Variants in ADARB1 observed in about 807,000 individuals in gnomAD.
ADARB1 encodes adenosine deaminase RNA specific B1.
In ADARB1, 10 loss-of-function variants were observed where a neutral mutation model predicts 52.4. That is an observed-to-expected ratio of 0.19 (90% CI 0.12 to 0.32). ADARB1 has a LOEUF of 0.32. ADARB1 is among the 10% of genes least tolerant of loss of function. ADARB1 has a pLI of 1.00. For missense variants in ADARB1, 643 were observed against 922.3 expected (o/e 0.70, Z 3.92); for synonymous variants, 349 against 371.1 (o/e 0.94, Z 0.68).
At chr21:45,113,220 C>T (rs935716657) in intron 1 of ADARB1, among the ~76,000 whole-genome samples, 5 of 151,894 alleles carry the variant, frequency 3.3e-5, no homozygotes, top group Non-Finnish European at 5.9e-5. Context: ...GTCAGGAGTT[C>T]GAGACCAGCC....
chr21:45,161,160 G>C (rs77766466), intron 2 of ADARB1, among the ~76,000 whole-genome samples: 6,647 of 152,258 alleles, frequency 0.044, 251 homozygotes, highest in East Asian at 0.15. Flanking sequence ...CAGCTGCAGC[G>C]GGGGAGGCTA....
chr21:45,080,703 C>T (rs1282511784), intron 1 of ADARB1, among the ~76,000 whole-genome samples: 1 of 152,054 alleles, frequency 6.6e-6, no homozygotes, highest in African/African-American at 2.4e-5. Context: ...GTATTGTTAC[C>T]TGGAGGTTGG....
chr21:45,121,335 C>A (rs895418850), intron 1 of ADARB1, among the ~76,000 whole-genome samples: 1 of 152,168 alleles, frequency 6.6e-6, no homozygotes, highest in African/African-American at 2.4e-5. Context: ...TGTGTGAAAA[C>A]ATCTTTATTC....
chr21:45,186,567 A>G lies in ADARB1; in HGVS notation c.1565+1476A>G, dbSNP rs576929766. On this transcript the variant is annotated intron_variant, in intron 8 of 10. Transcript: ENST00000348831. ...AGCTTCTCCCACATTCTGTAAACTG[A>G]TATCTTCATAGTTTCAATTTTTATT... Among the ~76,000 whole-genome samples the G allele has an allele frequency of 7.3e-4, 111 of 152,346 alleles. No homozygotes were observed. The Middle Eastern group carries it at 0.014, about 19-fold the overall frequency.
At chr21:45,135,803 C>G (rs540693013) in intron 2 of ADARB1, among the ~76,000 whole-genome samples, 1 of 152,184 alleles carries the variant, frequency 6.6e-6, no homozygotes, top group African/African-American at 2.4e-5. Flanking sequence ...GTCAAGAGGG[C>G]CCTCTGTGGG....
intron 1 of ADARB1, among the ~76,000 whole-genome samples, chr21:45,088,945 C>G (rs1303100642): frequency 2.0e-5 from 3 of 152,170 alleles, no homozygotes; most frequent in Non-Finnish European, 2.9e-5. Context: ...AAATACCTCA[C>G]CTCATCAGTG....
chr21:45,225,812 G>A lies in ADARB1; in HGVS notation c.*3615G>A, dbSNP rs577825663. 39 of 378,024 alleles carry A rather than the reference G, an allele frequency of 1.0e-4. No homozygotes were observed. Among genetic ancestry groups the A allele is most frequent in the Middle Eastern group, 1.3e-3 (2 of 1,516 alleles). The allele number at this position is 378,024 out of a possible 1,614,324, so 23.4% of individuals were successfully genotyped here. On this transcript the variant is annotated 3_prime_UTR_variant, in exon 11 of 11. Coordinates refer to ENST00000348831, the MANE Select transcript of ADARB1 (RefSeq NM_001112.4). ...AAAGATTCCTTTTTATCATCCCCAC[G>A]CTGTGTAAGTGGAAAGGGCATTGTG...
chr21:45,173,273 C>G (rs1163251623), intron 3 of ADARB1, among the ~76,000 whole-genome samples: 2 of 152,182 alleles, frequency 1.3e-5, no homozygotes, highest in Non-Finnish European at 1.5e-5. Flanking sequence ...ATGCAAAGCC[C>G]TGTCATGATC....
intron 2 of ADARB1, among the ~76,000 whole-genome samples, chr21:45,132,002 G>A (rs2088972834): frequency 6.6e-6 from 1 of 152,250 alleles, no homozygotes. Context: ...GCACATTATT[G>A]TAAGGATGCT....
chr21:45,151,958 G>T (rs931632714), intron 2 of ADARB1, among the ~76,000 whole-genome samples: 1 of 152,210 alleles, frequency 6.6e-6, no homozygotes, highest in African/African-American at 2.4e-5. Flanking sequence ...CTGCTCTGCA[G>T]TAATGAACAA....
chr21:45,153,750 G>C (rs1354970458), intron 2 of ADARB1, among the ~76,000 whole-genome samples: 1 of 152,240 alleles, frequency 6.6e-6, no homozygotes, highest in Admixed American at 6.5e-5. Context: ...GCTGCCAGGT[G>C]CTTGTGTCCA....
Position 45,222,828 on chromosome 21 carries a change from T to C in ADARB1, c.*631T>C. The C allele has an allele frequency of 1.0e-6, 1 of 985,490 alleles. No homozygotes were observed. Among genetic ancestry groups the C allele is most frequent in the Non-Finnish European group, 1.2e-6 (1 of 829,990 alleles). 61.0% of individuals were successfully genotyped at this position (985,490 alleles called of 1,614,324 possible). On this transcript the variant is annotated 3_prime_UTR_variant, in exon 11 of 11. Coordinates refer to ENST00000348831, the MANE Select transcript of ADARB1 (RefSeq NM_001112.4). ...CTCCCTGAGGAGCAGACTCCCAGCATGGTGTAGCGTGGCCCTGTCATGCAC... is the reference window on the plus strand; with the variant it reads ...CTCCCTGAGGAGCAGACTCCCAGCACGGTGTAGCGTGGCCCTGTCATGCAC...
At chr21:45,105,879 T>G (rs1050689614) in intron 1 of ADARB1, among the ~76,000 whole-genome samples, 1 of 152,236 alleles carries the variant, frequency 6.6e-6, no homozygotes, top group Non-Finnish European at 1.5e-5. Flanking sequence ...TTGAGTGAGT[T>G]CTTTTTTTAT....
intron 9 of ADARB1, among the ~76,000 whole-genome samples, chr21:45,206,886 A>G (rs1354074440): frequency 6.6e-6 from 1 of 152,046 alleles, no homozygotes; most frequent in Non-Finnish European, 1.5e-5. Context: ...CGTTATCTCT[A>G]ATCTTGATAG....
intron 2 of ADARB1, among the ~76,000 whole-genome samples, chr21:45,163,689 A>T (rs2091101065): frequency 6.6e-6 from 1 of 152,018 alleles, no homozygotes; most frequent in Admixed American, 6.6e-5. Flanking sequence ...CACATGTGTG[A>T]CCTCCTGGGG....
chr21:45,078,776 C>G (rs2086043155), intron 1 of ADARB1, among the ~76,000 whole-genome samples: 2 of 152,196 alleles, frequency 1.3e-5, no homozygotes, highest in African/African-American at 2.4e-5. Context: ...TTGCGAATGA[C>G]ATGATCTGAT....
chr21:45,144,826 C>T, intron 2 of ADARB1: 1 of 252,456 alleles, frequency 4.0e-6, no homozygotes, highest in South Asian at 4.2e-5. Flanking sequence ...CTTGTCCTGT[C>T]ATGCCGGGAG....
At chr21:45,134,890 G>A (rs1264224031) in intron 2 of ADARB1, 15 of 517,430 alleles carry the variant, frequency 2.9e-5, no homozygotes, top group Admixed American at 6.0e-5. Flanking sequence ...CCTGGCTGCC[G>A]TTGACAGCTG....
In ADARB1 at chr21:45,220,340, A is replaced by C. The variant is rs1280593839; in HGVS notation, c.1748-496A>C. ...ACACATGCAAAGCCACGTGACCTGA[A>C]CATGCCTGGCCTCTCAGTGGCAGGG... is the stretch of plus-strand genomic sequence containing the variant. On this transcript the variant is annotated intron_variant, in intron 9 of 10. Coordinates refer to ENST00000348831, the MANE Select transcript of ADARB1 (RefSeq NM_001112.4). The surrounding 1 kb of genome is among the most constrained non-coding windows in gnomAD (Gnocchi z 6.3). 6.6e-6 allele frequency among the ~76,000 whole-genome samples: 1 copy of C among 152,164 alleles called. No individual in the cohort carries two copies. Among genetic ancestry groups the C allele is most frequent in the East Asian group, 1.9e-4 (1 of 5,204 alleles).
Sources: allele counts gnomAD v4.1 joint callset (sites outside exome capture counted in the v4.1 genomes callset), GRCh38; gene constraint gnomAD v4.1.1; non-coding constraint Gnocchi (gnomAD v3.1); transcripts MANE v1.5; gene names NCBI Gene and HGNC (gene_info 2026-07-23, HGNC 2026-07-21).